The following FRY variants were observed in gnomAD, a reference collection of about 807,000 sequenced individuals.
FRY encodes protein furry homolog.
In FRY, 128 loss-of-function variants were observed where a neutral mutation model predicts 348.4. The observed-to-expected ratio is 0.37, with a 90% CI of 0.32 to 0.43. The LOEUF is 0.43. FRY is among the 20% of genes least tolerant of loss of function. FRY has a pLI of 1.00. For missense variants in FRY, 2,736 were observed against 3,695.2 expected (o/e 0.74, Z 6.73); for synonymous variants, 1,370 against 1,374.7 (o/e 1.00, Z 0.08).
chr13:32,213,489 C>A (rs201166972), intron 35 of FRY, among the ~76,000 whole-genome samples: 2 of 152,284 alleles, frequency 1.3e-5, no homozygotes, highest in East Asian at 3.9e-4. Flanking sequence ...TCTAATAAAG[C>A]CTTTTATTTC....
chr13:32,113,333 T>C (rs1878087970), intron 3 of FRY, among the ~76,000 whole-genome samples: 1 of 152,224 alleles, frequency 6.6e-6, no homozygotes, highest in African/African-American at 2.4e-5. Flanking sequence ...ATGACTCCAC[T>C]GAGTAATTAT....
intron 36 of FRY, 48 bp from the exon 37 acceptor site, chr13:32,224,187 G>A: frequency 6.6e-7 from 1 of 1,504,262 alleles, no homozygotes; most frequent in Non-Finnish European, 9.3e-7. Context: ...GAGAAAACAA[G>A]TCTCCTCTCC....
intron 31 of FRY, among the ~76,000 whole-genome samples, chr13:32,204,082 T>A (rs1268887356): frequency 2.6e-5 from 4 of 152,224 alleles, no homozygotes; most frequent in African/African-American, 9.6e-5. Flanking sequence ...ACTTAATATT[T>A]ATAAACCCTG....
intron 1 of FRY, among the ~76,000 whole-genome samples, chr13:32,044,916 G>C (rs1023113915): frequency 6.6e-6 from 1 of 152,168 alleles, no homozygotes; most frequent in Non-Finnish European, 1.5e-5. Context: ...AGAGTGTCAA[G>C]TGAAAAAGAT....
chr13:32,165,432 G>A (rs771316658), intron 17 of FRY, among the ~76,000 whole-genome samples: 23 of 152,090 alleles, frequency 1.5e-4, no homozygotes, highest in Non-Finnish European at 2.2e-4. Context: ...GATATAGTTC[G>A]AACCACTGTA....
At chr13:32,171,304 CTTTTTTTTTTTTT>C (rs71071026) in intron 18 of FRY, 34 bp downstream of exon 18, 28 of 533,954 alleles carry the variant, frequency 5.2e-5, no homozygotes, top group East Asian at 1.0e-4. Flanking sequence ...AATTTATATT[CTTTTTTTTTTTTT>C]TTTTTTTTTT....
chr13:32,175,671 G>GC lies in FRY; in HGVS notation c.2421+40dup, dbSNP rs1882320004. 3.5e-6 allele frequency: 4 copies of GC among 1,131,720 alleles called. No individual in the cohort carries two copies. In the East Asian group the frequency reaches 9.6e-5, roughly 27 times the overall value. The allele number at this position is 1,131,720 out of a possible 1,614,324, so 70.1% of individuals were successfully genotyped here. On this transcript the variant is annotated intron_variant, in intron 20 of 60. Coordinates refer to ENST00000542859, the MANE Select transcript of FRY (RefSeq NM_023037.3). ...TGATTCCAATTAATGGCTCTTAAAA[G>GC]CTCTGGACCTATCTAAAATAGTCAG...
At chr13:32,061,249 GC>G (rs1405538800) in intron 1 of FRY, 2 of 490,966 alleles carry the variant, frequency 4.1e-6, no homozygotes, top group African/African-American at 3.9e-5. Flanking sequence ...AAAGGTTTCA[GC>G]GGATGGGGGT....
chr13:32,261,509 A>T, intron 51 of FRY, 107 bp from the exon 52 acceptor site: 1 of 966,072 alleles, frequency 1.0e-6, no homozygotes, highest in Non-Finnish European at 1.7e-6. Context: ...AGGGCCTAAG[A>T]GTTAATAATG....
intron 4 of FRY, among the ~76,000 whole-genome samples, chr13:32,120,812 C>A (rs1566082167): frequency 6.6e-6 from 1 of 152,220 alleles, no homozygotes; most frequent in Non-Finnish European, 1.5e-5. Context: ...CAGGCATGCA[C>A]CACTGTGCCT....
At chr13:32,200,445 G>A (rs1389075401) in intron 29 of FRY, among the ~76,000 whole-genome samples, 1 of 152,144 alleles carries the variant, frequency 6.6e-6, no homozygotes, top group Non-Finnish European at 1.5e-5. Context: ...AACTCAACCA[G>A]GTGCAGTTGT....
intron 2 of FRY, among the ~76,000 whole-genome samples, chr13:32,093,353 T>C (rs929503171): frequency 6.6e-6 from 1 of 152,208 alleles, no homozygotes; most frequent in Non-Finnish European, 1.5e-5. Context: ...GGTCCACACA[T>C]TGCAGTAGAC....
intron 17 of FRY, among the ~76,000 whole-genome samples, chr13:32,165,702 T>C (rs1881696114): frequency 6.6e-6 from 1 of 152,240 alleles, no homozygotes; most frequent in Admixed American, 6.5e-5. Flanking sequence ...CTGGATATGG[T>C]TTGTGAATTT....
intron 39 of FRY, 37 bp downstream of exon 39, chr13:32,226,011 T>C: frequency 6.3e-7 from 1 of 1,590,402 alleles, no homozygotes; most frequent in Non-Finnish European, 8.6e-7. Flanking sequence ...CTAGGACAGT[T>C]ACAAATGCAG....
chr13:32,060,179 T>G (rs1423709002), intron 1 of FRY, among the ~76,000 whole-genome samples: 1 of 152,246 alleles, frequency 6.6e-6, no homozygotes, highest in African/African-American at 2.4e-5. Context: ...CCTCATAGAA[T>G]TCTTCTCTCA....
chr13:32,199,155 T>A (rs1209423917), intron 29 of FRY, among the ~76,000 whole-genome samples: 1 of 152,152 alleles, frequency 6.6e-6, no homozygotes. Flanking sequence ...GAAACCTCAG[T>A]CATTCCCACT....
intron 46 of FRY, among the ~76,000 whole-genome samples, chr13:32,240,747 G>T (rs995415801): frequency 6.6e-6 from 1 of 152,186 alleles, no homozygotes; most frequent in Non-Finnish European, 1.5e-5. Flanking sequence ...TTTCCTTTGT[G>T]ATACGCATTC....
chr13:32,110,524 T>C (rs1877888172), intron 3 of FRY, among the ~76,000 whole-genome samples: 4 of 151,698 alleles, frequency 2.6e-5, no homozygotes, highest in Admixed American at 2.6e-4. Context: ...CTTGAGGGAG[T>C]TTGTGACCCT....
At chr13:32,099,718 C>T (rs958209881) in intron 2 of FRY, among the ~76,000 whole-genome samples, 20 of 151,680 alleles carry the variant, frequency 1.3e-4, no homozygotes, top group African/African-American at 4.4e-4. Context: ...GAATATTTTC[C>T]TCAGAAATTT....
Sources: allele counts gnomAD v4.1 joint callset (sites outside exome capture counted in the v4.1 genomes callset), GRCh38; gene constraint gnomAD v4.1.1; transcripts MANE v1.5; gene names NCBI Gene and HGNC (gene_info 2026-07-23, HGNC 2026-07-21).